FMNL2: variants seen among roughly 807,000 people sequenced by gnomAD.
The protein encoded by FMNL2 is formin like 2.
In FMNL2, 51 loss-of-function variants were observed where a neutral mutation model predicts 130.2. That is an observed-to-expected ratio of 0.39 (90% CI 0.31 to 0.49). FMNL2 has a LOEUF of 0.49. FMNL2 is among the 20% of genes least tolerant of loss of function. FMNL2 has a pLI of 0.85. For synonymous variants in FMNL2, 465 were observed against 467.1 expected, an observed-to-expected ratio of 1.00 and a Z score of 0.06; for missense variants, 977 against 1,316.2, an observed-to-expected ratio of 0.74 and a Z score of 3.99.
chr2:152,386,792 G>T (rs1684809403), intron 1 of FMNL2, among the ~76,000 whole-genome samples: 1 of 152,136 alleles, frequency 6.6e-6, no homozygotes, highest in Non-Finnish European at 1.5e-5. Flanking sequence ...CCCCATTTAT[G>T]TGTTATTCAC....
chr2:152,490,437 C>A (rs1008619202), intron 1 of FMNL2, among the ~76,000 whole-genome samples: 1 of 152,090 alleles, frequency 6.6e-6, no homozygotes, highest in Non-Finnish European at 1.5e-5. Flanking sequence ...TTATGATCTT[C>A]CCTAAACATC....
In FMNL2 at chr2:152,524,146, C is replaced by G. The variant is rs192811222; in HGVS notation, c.201+2120C>G. On this transcript the variant is annotated intron_variant, in intron 2 of 25. Transcript: ENST00000288670. ...GATAACATTTTTAAATGTAATAATTCAGTGGTACTAAATACATTCATGTTG... is the reference window on the plus strand; with the variant it reads ...GATAACATTTTTAAATGTAATAATTGAGTGGTACTAAATACATTCATGTTG... 3.7e-4 allele frequency among the ~76,000 whole-genome samples: 57 copies of G among 152,282 alleles called. No homozygotes were observed. In the South Asian group the frequency reaches 4.1e-3, roughly 11 times the overall value.
intron 24 of FMNL2, 43 bp downstream of exon 24, chr2:152,640,099 C>T (rs371885366): frequency 3.0e-5 from 45 of 1,485,740 alleles, no homozygotes; most frequent in Non-Finnish European, 9.0e-6. Context: ...TGAGGAGAGG[C>T]TGAGAGGGCT....
chr2:152,451,826 G>A (rs1688667528), intron 1 of FMNL2, among the ~76,000 whole-genome samples: 1 of 152,152 alleles, frequency 6.6e-6, no homozygotes, highest in Admixed American at 6.5e-5. Flanking sequence ...AGTTTCGATT[G>A]TGGGCTGAAT....
At chr2:152,643,453 C>G (rs927376076) in intron 25 of FMNL2, 9 of 1,536,002 alleles carry the variant, frequency 5.9e-6, no homozygotes, top group Non-Finnish European at 7.8e-6. Context: ...CTCGCACCGC[C>G]AAGCGTGGCT....
chr2:152,620,504 T>A (rs1699196087), intron 15 of FMNL2, among the ~76,000 whole-genome samples: 1 of 152,224 alleles, frequency 6.6e-6, no homozygotes, highest in Non-Finnish European at 1.5e-5. Flanking sequence ...CCCTGGCATC[T>A]GGAATTGCTC....
intron 12 of FMNL2, among the ~76,000 whole-genome samples, chr2:152,615,406 G>A (rs1698895727): frequency 1.3e-5 from 2 of 152,118 alleles, no homozygotes; most frequent in Non-Finnish European, 2.9e-5. Context: ...AGGATTAGCT[G>A]GTGTCTCTGT....
intron 1 of FMNL2, among the ~76,000 whole-genome samples, chr2:152,437,174 C>G (rs1477815717): frequency 2.0e-5 from 3 of 152,142 alleles, no homozygotes; most frequent in Non-Finnish European, 2.9e-5. Flanking sequence ...GAGGCCCCAT[C>G]TCAAAATACC....
intron 1 of FMNL2, among the ~76,000 whole-genome samples, chr2:152,419,952 A>G (rs1454543981): frequency 1.3e-5 from 2 of 152,218 alleles, no homozygotes; most frequent in Non-Finnish European, 2.9e-5. Flanking sequence ...AAAATCATCC[A>G]ATTTATCATC....
chr2:152,376,504 C>G (rs1684185506), intron 1 of FMNL2, among the ~76,000 whole-genome samples: 1 of 152,120 alleles, frequency 6.6e-6, no homozygotes, highest in South Asian at 2.1e-4. Flanking sequence ...GTTGGATGGA[C>G]TCATTGGGGC....
chr2:152,619,889 A>T (rs1239090394), intron 15 of FMNL2, among the ~76,000 whole-genome samples, 171 bp downstream of exon 15: 1 of 151,944 alleles, frequency 6.6e-6, no homozygotes, highest in Non-Finnish European at 1.5e-5. Flanking sequence ...CACGCATGGG[A>T]GGCACTTTGC....
chr2:152,424,487 T>A (rs1178338180), intron 1 of FMNL2, among the ~76,000 whole-genome samples: 1 of 151,434 alleles, frequency 6.6e-6, no homozygotes, highest in Non-Finnish European at 1.5e-5. Flanking sequence ...ACCTCCTGGG[T>A]TCAAGTGATT....
At chr2:152,605,085 C>A (rs1033782767) in intron 9 of FMNL2, among the ~76,000 whole-genome samples, 4 of 151,974 alleles carry the variant, frequency 2.6e-5, no homozygotes, top group Admixed American at 6.6e-5. Flanking sequence ...ACAAACCTTT[C>A]ATTTCCAGGA....
chr2:152,347,322 C>T (rs1474020875), intron 1 of FMNL2, among the ~76,000 whole-genome samples: 1 of 152,184 alleles, frequency 6.6e-6, no homozygotes, highest in Non-Finnish European at 1.5e-5. Flanking sequence ...TGACTCTAAC[C>T]ATGAGGTTTC....
At chr2:152,613,901 C>T (rs755126177) in intron 11 of FMNL2, among the ~76,000 whole-genome samples, 6 of 152,160 alleles carry the variant, frequency 3.9e-5, no homozygotes, top group East Asian at 1.9e-4. Context: ...CCAGAGCTAG[C>T]TGAGTCCCTG....
rs1694328259 is a variant in FMNL2 at position 152,541,875 on chromosome 2, C to T, written c.202-864C>T. 3.3e-5 allele frequency among the ~76,000 whole-genome samples: 5 copies of T among 151,934 alleles called. 1 individual carries two copies. In the South Asian group the frequency reaches 1.0e-3, roughly 31 times the overall value. On this transcript the variant is annotated intron_variant, in intron 2 of 25. Transcript: ENST00000288670. ...CATTGTATGAACGTAAATATAAGTA[C>T]TGGTTCATTTTATGGTTTGTGGACA...
chr2:152,572,127 C>G (rs1558973534), intron 6 of FMNL2, among the ~76,000 whole-genome samples: 1 of 152,114 alleles, frequency 6.6e-6, no homozygotes, highest in African/African-American at 2.4e-5. Context: ...TTGGTCTCAT[C>G]ACAGAAATCT....
intron 9 of FMNL2, among the ~76,000 whole-genome samples, chr2:152,595,479 C>T (rs1337803623): frequency 6.6e-6 from 1 of 152,068 alleles, no homozygotes; most frequent in Non-Finnish European, 1.5e-5. Context: ...CCACCACGCC[C>T]AGCTAATTTT....
intron 2 of FMNL2, among the ~76,000 whole-genome samples, chr2:152,537,891 T>C (rs368690925): frequency 6.6e-6 from 1 of 150,648 alleles, no homozygotes; most frequent in South Asian, 2.1e-4. Flanking sequence ...ACCTTACACA[T>C]ACACACACAC....
Sources: allele counts gnomAD v4.1 joint callset (sites outside exome capture counted in the v4.1 genomes callset), GRCh38; gene constraint gnomAD v4.1.1; transcripts MANE v1.5; gene names NCBI Gene and HGNC (gene_info 2026-07-23, HGNC 2026-07-21).